NPHP4: variants seen among roughly 807,000 people sequenced by gnomAD.
NPHP4 encodes nephrocystin-4.
A neutral mutation model predicts 155.8 loss-of-function variants in NPHP4; 151 were observed. The observed-to-expected ratio is 0.97, with a 90% CI of 0.85 to 1.11. The LOEUF is 1.11. Among genes scored for constraint, NPHP4 ranks in the 50% least tolerant of loss-of-function variants. The pLI, the probability that NPHP4 is intolerant of heterozygous loss-of-function variation, is 0.00. For synonymous variants in NPHP4, 845 were observed against 816.8 expected, an observed-to-expected ratio of 1.03 and a Z score of -0.59; for missense variants, 1,956 against 1,925.7, an observed-to-expected ratio of 1.02 and a Z score of -0.29.
intron 8 of NPHP4, among the ~76,000 whole-genome samples, chr1:5,947,465 A>G (rs1216524114): frequency 6.6e-6 from 1 of 151,966 alleles, no homozygotes; most frequent in African/African-American, 2.4e-5. Context: ...CTGGTCTCAA[A>G]CTCCTGAGCT....
chr1:5,970,916 C>A (rs1261182074), intron 3 of NPHP4, among the ~76,000 whole-genome samples: 9 of 152,276 alleles, frequency 5.9e-5, no homozygotes, highest in Admixed American at 5.9e-4. Context: ...TGACCACTTA[C>A]AGCTGACAGG....
intron 2 of NPHP4, among the ~76,000 whole-genome samples, chr1:5,985,134 C>T (rs531242094): frequency 3.3e-5 from 5 of 152,324 alleles, no homozygotes; most frequent in African/African-American, 1.2e-4. Flanking sequence ...TATAGAACAT[C>T]AGTGATTTAA....
intron 7 of NPHP4, among the ~76,000 whole-genome samples, chr1:5,950,299 C>A (rs910770187): frequency 3.9e-5 from 6 of 152,090 alleles, no homozygotes; most frequent in African/African-American, 1.4e-4. Flanking sequence ...CATAACAGAC[C>A]GCACCAGCCT....
chr1:5,937,159 C>G (rs1007503010), intron 9 of NPHP4, among the ~76,000 whole-genome samples: 1 of 152,070 alleles, frequency 6.6e-6, no homozygotes, highest in African/African-American at 2.4e-5. Context: ...GCCCGCCACA[C>G]CTGAGCTTTG....
At chr1:5,943,283 T>C (rs1208686979) in intron 9 of NPHP4, among the ~76,000 whole-genome samples, 1 of 152,220 alleles carries the variant, frequency 6.6e-6, no homozygotes, top group African/African-American at 2.4e-5. Flanking sequence ...AAAACTTTTG[T>C]TCCTAGTTTG....
At position 5,986,190 on chromosome 1, in the gene NPHP4, C is replaced by T. The variant is rs753050902; in HGVS notation, c.100G>A (p.Val34Ile). 4 of 1,613,934 alleles carry T rather than the reference C, an allele frequency of 2.5e-6. No homozygotes were observed. The highest frequency in any genetic ancestry group is 2.7e-5 in the African/African-American group (2 of 75,044). ...PWKESTAFQC[V>I]LKWLDGPVIR... Reference sequence around the variant, plus strand: ...ACCGGTCCGTCCAGCCACTTGAGGACACACTGGAATGCCGTGGATTCCTTC... The same window carrying T: ...ACCGGTCCGTCCAGCCACTTGAGGATACACTGGAATGCCGTGGATTCCTTC... The change falls in exon 2 of 30, where the codon GTC becomes ATC. Residue 34 changes from valine (V) to isoleucine (I), a missense_variant. Val to Ile is a conservative substitution (Grantham distance 29). Coordinates refer to ENST00000378156, the MANE Select transcript of NPHP4 (RefSeq NM_015102.5).
At chr1:5,967,805 C>T (rs1318501953) in intron 4 of NPHP4, among the ~76,000 whole-genome samples, 1 of 152,080 alleles carries the variant, frequency 6.6e-6, no homozygotes, top group African/African-American at 2.4e-5. Flanking sequence ...AGTGCCCTGG[C>T]ATCTAGTGCG....
intron 16 of NPHP4, among the ~76,000 whole-genome samples, chr1:5,901,672 C>T (rs564225959): frequency 5.3e-5 from 8 of 152,248 alleles, no homozygotes; most frequent in South Asian, 2.1e-4. Flanking sequence ...ATGGTCTCAA[C>T]GCTATCATTT....
intron 3 of NPHP4, among the ~76,000 whole-genome samples, chr1:5,970,792 C>T (rs1652419941): frequency 6.6e-6 from 1 of 151,980 alleles, no homozygotes; most frequent in Non-Finnish European, 1.5e-5. Context: ...ACCGAGAAAA[C>T]GTTTACTGTA....
Position 5,867,405 on chromosome 1 carries a change from T to C in NPHP4, c.3473-290A>G, listed in dbSNP as rs1007549270. On this transcript the variant is annotated intron_variant, in intron 24 of 29. Transcript: ENST00000378156. This position sits in a 1 kb window ranked among gnomAD's most constrained non-coding sequence, Gnocchi z 4.1. ...CACAGCTCCCTGGAGCAGGGAAGCC[T>C]GCACTCTGCTGTAAGGGGCACCTAC... 6 of 547,292 alleles carry C rather than the reference T, an allele frequency of 1.1e-5. No individual in the cohort carries two copies. Among genetic ancestry groups the C allele is most frequent in the Admixed American group, 6.5e-5 (2 of 30,548 alleles). The allele number at this position is 547,292 out of a possible 1,614,324, so 33.9% of individuals were successfully genotyped here.
intron 11 of NPHP4, among the ~76,000 whole-genome samples, chr1:5,911,867 A>G (rs1020804653): frequency 6.6e-6 from 1 of 152,232 alleles, no homozygotes; most frequent in Non-Finnish European, 1.5e-5. Flanking sequence ...CCCAGAGGAC[A>G]GCGCGGCCGC....
intron 6 of NPHP4, among the ~76,000 whole-genome samples, chr1:5,957,769 C>T (rs1557833384): frequency 6.6e-6 from 1 of 152,224 alleles, no homozygotes; most frequent in Non-Finnish European, 1.5e-5. Context: ...AAAACAAGAA[C>T]GCTGCAACAG....
At chr1:5,948,289 C>A in intron 7 of NPHP4, 38 bp from the exon 8 acceptor site, 1 of 1,476,802 alleles carries the variant, frequency 6.8e-7, no homozygotes, top group Non-Finnish European at 9.0e-7. Context: ...CCGGCACAGA[C>A]GGAAAGAGGG....
chr1:5,946,969 G>GCTGATTTT, intron 9 of NPHP4, 135 bp downstream of exon 9: 1 of 952,416 alleles, frequency 1.0e-6, no homozygotes, highest in Non-Finnish European at 1.6e-6. Flanking sequence ...ATAAATGTCA[G>GCTGATTTT]TAAAGTGATT....
At chr1:5,976,749 C>T (rs1350002690) in intron 3 of NPHP4, among the ~76,000 whole-genome samples, 1 of 152,214 alleles carries the variant, frequency 6.6e-6, no homozygotes, top group Non-Finnish European at 1.5e-5. Context: ...TTCTCTCCCT[C>T]TACTACCCAT....
chr1:5,908,001 C>G (rs1644996818), intron 12 of NPHP4, among the ~76,000 whole-genome samples: 1 of 152,220 alleles, frequency 6.6e-6, no homozygotes, highest in Admixed American at 6.5e-5. Flanking sequence ...GACTCTAACT[C>G]CAGTACACAC....
intron 9 of NPHP4, among the ~76,000 whole-genome samples, chr1:5,938,239 T>C (rs1320290514): frequency 6.6e-6 from 1 of 152,338 alleles, no homozygotes; most frequent in East Asian, 1.9e-4. Context: ...GCATTCTCCC[T>C]GAAGGACACG....
chr1:5,866,998 T>C (rs1471719148), intron 25 of NPHP4, 32 bp downstream of exon 25: 6 of 1,572,390 alleles, frequency 3.8e-6, no homozygotes, highest in Non-Finnish European at 5.2e-6. Context: ...CTGGGAAGGA[T>C]CTGCCTGAGC....
intron 9 of NPHP4, among the ~76,000 whole-genome samples, chr1:5,943,768 G>C (rs1646944310): frequency 6.6e-6 from 1 of 152,200 alleles, no homozygotes; most frequent in Admixed American, 6.5e-5. Context: ...CTGGATGTTT[G>C]ATGATACTAA....
Sources: allele counts gnomAD v4.1 joint callset (sites outside exome capture counted in the v4.1 genomes callset), GRCh38; gene constraint gnomAD v4.1.1; non-coding constraint Gnocchi (gnomAD v3.1); transcripts MANE v1.5; gene names NCBI Gene and HGNC (gene_info 2026-07-23, HGNC 2026-07-21).